SNX17: variants seen among roughly 807,000 people sequenced by gnomAD.
SNX17 encodes sorting nexin 17.
A neutral mutation model predicts 64.3 loss-of-function variants in SNX17; 35 were observed. The observed-to-expected ratio is 0.54, with a 90% CI of 0.42 to 0.72. The LOEUF is 0.72. SNX17 is among the 30% of genes least tolerant of loss of function. SNX17 has a pLI of 0.00. For missense variants in SNX17, 538 were observed against 610.0 expected (o/e 0.88, Z 1.24); for synonymous variants, 259 against 230.2 (o/e 1.13, Z -1.13).
At position 27,376,621 on chromosome 2, in the gene SNX17, G is replaced by A. The variant is rs557575155; in HGVS notation, c.1315G>A (p.Val439Met). 12 of 1,614,202 alleles carry A rather than the reference G, an allele frequency of 7.4e-6. No homozygotes were observed. Among genetic ancestry groups the A allele is most frequent in the South Asian group, 2.2e-5 (2 of 91,088 alleles). The change falls in exon 15 of 15, where the codon GTG becomes ATG. Residue 439 changes from valine to methionine, a missense_variant. This residue lies in a region of SNX17 where 505 missense variants were observed against 550.4 expected (regional missense o/e 0.92). Coordinates refer to ENST00000233575, the MANE Select transcript of SNX17 (RefSeq NM_014748.4). Reference sequence around the variant, plus strand: ...TTTGTTACAGAGTAAGCTGAGTGCCGTGAGCTTGCGGGGAATTGGCAGTCC... The same window carrying A: ...TTTGTTACAGAGTAAGCTGAGTGCCATGAGCTTGCGGGGAATTGGCAGTCC... ...MVKLSSKLSAVSLRGIGSPST... is the reference protein window; with the variant it reads ...MVKLSSKLSAMSLRGIGSPST...
In SNX17 at chr2:27,375,568, T is replaced by C. The variant is rs745784968; in HGVS notation, c.837T>C (p.Ala279=). 6.2e-7 allele frequency: 1 copy of C among 1,614,222 alleles called. No homozygotes were observed. The highest frequency in any genetic ancestry group is 8.5e-7 in the Non-Finnish European group (1 of 1,180,042). ...YGYLRFDACV[A]DFPEKDCPVV... ...ACTTGCGCTTTGATGCCTGTGTGGC[T>C]GACTTCCCAGAAAAGGACTGTCCTG... is the stretch of plus-strand genomic sequence containing the variant. Residue 279 remains alanine, a synonymous_variant, in exon 10 of 15, where the codon GCT becomes GCC. Coordinates refer to ENST00000233575, the MANE Select transcript of SNX17 (RefSeq NM_014748.4). The surrounding 1 kb of genome is among the most constrained non-coding windows in gnomAD (Gnocchi z 4.1).
intron 12 of SNX17, 40 bp downstream of exon 12, chr2:27,376,223 T>C: frequency 6.2e-7 from 1 of 1,612,960 alleles, no homozygotes; most frequent in Non-Finnish European, 8.5e-7. Flanking sequence ...GCAGGTGTGC[T>C]CCCCTTGCCT....
rs376326466 is a variant in SNX17, at chr2:27,375,163, G to C, written c.774+10G>C. 55 of 1,610,620 alleles carry C rather than the reference G, an allele frequency of 3.4e-5. No homozygotes were observed. The highest frequency in any genetic ancestry group is 4.5e-5 in the East Asian group (2 of 44,864). ...AGTCTCCAAGAAGGAGGTGAGCCCT[G>C]CCTCCTCTCTGTCTTCCTCTAAGGG... On this transcript the variant is annotated intron_variant, in intron 9 of 14. Coordinates refer to ENST00000233575, the MANE Select transcript of SNX17 (RefSeq NM_014748.4). This position sits in a 1 kb window ranked among gnomAD's most constrained non-coding sequence, Gnocchi z 4.1.
Position 27,376,634 on chromosome 2 carries a change from G to A in SNX17, c.1328G>A (p.Gly443Glu), listed in dbSNP as rs1683275566. The A allele has an allele frequency of 5.0e-6, 8 of 1,614,098 alleles. No individual in the cohort carries two copies. The Admixed American group carries it at 1.2e-4, about 24-fold the overall frequency. Residue 443 changes from glycine (G) to glutamate (E), a missense_variant, in exon 15 of 15, where the codon GGA becomes GAA. Gly to Glu is a moderately conservative substitution (Grantham distance 98, BLOSUM62 -2). Coordinates refer to ENST00000233575, the MANE Select transcript of SNX17 (RefSeq NM_014748.4). ...AAGCTGAGTGCCGTGAGCTTGCGGG[G>A]AATTGGCAGTCCCAGCACAGATGCC... ...SSKLSAVSLR[G>E]IGSPSTDASA... is the part of the protein sequence containing the mutation.
At chr2:27,371,627 C>G (rs1010882613) in intron 2 of SNX17, 3 of 328,094 alleles carry the variant, frequency 9.1e-6, no homozygotes, top group Non-Finnish European at 1.6e-5. Context: ...CAACCCCTCC[C>G]CCCACTACCT....
Position 27,377,475 on chromosome 2 carries a change from C to T in SNX17, c.*756C>T. 2.6e-6 allele frequency: 4 copies of T among 1,548,792 alleles called. No homozygotes were observed. Among genetic ancestry groups the T allele is most frequent in the Non-Finnish European group, 3.6e-6 (4 of 1,126,184 alleles). Reference sequence around the variant, plus strand: ...TGCCTACGTTAGTCTGTGTGGAGCCCCTGGCCAGCGGGGGAGAAAAAGGTG... The same window carrying T: ...TGCCTACGTTAGTCTGTGTGGAGCCTCTGGCCAGCGGGGGAGAAAAAGGTG... On this transcript the variant is annotated 3_prime_UTR_variant, in exon 15 of 15. Transcript: ENST00000233575. The surrounding 1 kb of genome is among the most constrained non-coding windows in gnomAD (Gnocchi z 4.4).
intron 3 of SNX17, 66 bp from the exon 4 acceptor site, chr2:27,373,181 A>C: frequency 6.2e-7 from 1 of 1,610,482 alleles, no homozygotes; most frequent in Non-Finnish European, 8.5e-7. Flanking sequence ...GAACCTACTG[A>C]GAGGAGGACT....
At chr2:27,374,958 C>T (rs923085081) in intron 8 of SNX17, 103 bp from the exon 9 acceptor site, 27 of 1,143,978 alleles carry the variant, frequency 2.4e-5, no homozygotes, top group Non-Finnish European at 3.5e-5. Context: ...AGAGGTCGCT[C>T]AAGTGTGGGG....
Position 27,376,688 on chromosome 2 carries a change from C to T in SNX17, c.1382C>T (p.Ala461Val), listed in dbSNP as rs765872828. The change falls in exon 15 of 15, where the codon GCC becomes GTC. Residue 461 changes from alanine (A) to valine (V), a missense_variant. Ala to Val is a moderately conservative substitution (Grantham distance 64). Coordinates refer to ENST00000233575, the MANE Select transcript of SNX17 (RefSeq NM_014748.4). The part of the protein sequence containing the change: ...ASASDVHGNF[A>V]FEGIGDEDL ...GCCAGTGATGTCCACGGCAATTTCG[C>T]CTTCGAGGGCATTGGAGATGAGGAT... 1 of 1,614,188 alleles carries T rather than the reference C, an allele frequency of 6.2e-7. No individual in the cohort carries two copies. Among genetic ancestry groups the T allele is most frequent in the South Asian group, 1.1e-5 (1 of 91,088 alleles).
At position 27,370,814 on chromosome 2, in the gene SNX17, G is replaced by A; in HGVS notation, c.63+8G>A. The A allele has an allele frequency of 1.3e-6, 2 of 1,540,814 alleles. No individual in the cohort carries two copies. The highest frequency in any genetic ancestry group is 1.7e-6 in the Non-Finnish European group (2 of 1,145,510). ...GGCGGCTCCGCCTACGTGGTGAGGA[G>A]CGGCCGGAGCCGAGCCGGGCCGGGC... On this transcript the variant is annotated splice_region_variant and intron_variant, in intron 1 of 14. Coordinates refer to ENST00000233575, the MANE Select transcript of SNX17 (RefSeq NM_014748.4).
chr2:27,376,178 A>G lies in SNX17; in HGVS notation c.1177A>G (p.Arg393Gly). 6.2e-7 allele frequency: 1 copy of G among 1,614,142 alleles called. No individual in the cohort carries two copies. The highest frequency in any genetic ancestry group is 8.5e-7 in the Non-Finnish European group (1 of 1,180,018). ...LMVKKSGGSI[R>G]KMLRRRVGGT... ...GGTGAAGAAATCTGGCGGCAGTATC[A>G]GGAAGGTAGGCAGCAAGTGTGGACT... Residue 393 changes from arginine (R) to glycine (G), a missense_variant, in exon 12 of 15, where the codon AGG becomes GGG. This residue lies in a region of SNX17 where 505 missense variants were observed against 550.4 expected (regional missense o/e 0.92). Transcript: ENST00000233575.
intron 2 of SNX17, among the ~76,000 whole-genome samples, chr2:27,372,361 G>T (rs1324664184): frequency 6.6e-6 from 1 of 152,154 alleles, no homozygotes; most frequent in East Asian, 1.9e-4. Flanking sequence ...GCTCCCTATA[G>T]GTCCTGGCCC....
intron 4 of SNX17, 161 bp downstream of exon 4, chr2:27,373,472 C>T (rs1682846281): frequency 3.0e-6 from 2 of 663,800 alleles, no homozygotes; most frequent in African/African-American, 1.8e-5. Flanking sequence ...AAGCGATTCT[C>T]CTGCCTCAGC....
rs1315081808 is a variant in SNX17 at position 27,370,728 on chromosome 2, C to T, written c.-16C>T. 6.5e-7 allele frequency: 1 copy of T among 1,545,400 alleles called. No individual in the cohort carries two copies. The highest frequency in any genetic ancestry group is 8.7e-7 in the Non-Finnish European group (1 of 1,143,878). On this transcript the variant is annotated 5_prime_UTR_variant, in exon 1 of 15. Coordinates refer to ENST00000233575, the MANE Select transcript of SNX17 (RefSeq NM_014748.4). ...CCTCACAGTCCGGAGCCCGGCCGTG[C>T]CGTGCCGTAGGGAACATGCACTTTT...
intron 4 of SNX17, chr2:27,373,552 G>T: frequency 7.4e-6 from 4 of 538,630 alleles, no homozygotes; most frequent in Admixed American, 3.2e-5. Flanking sequence ...TAGTGGAGAC[G>T]GGGTTTTGCC....
At position 27,375,168 on chromosome 2, in the gene SNX17, C is replaced by G. The variant is rs763372234; in HGVS notation, c.774+15C>G. 6.8e-6 allele frequency: 11 copies of G among 1,611,374 alleles called. No individual in the cohort carries two copies. The South Asian group carries it at 1.2e-4, about 18-fold the overall frequency. ...CCAAGAAGGAGGTGAGCCCTGCCTC[C>G]TCTCTGTCTTCCTCTAAGGGCTTGC... On this transcript the variant is annotated intron_variant, in intron 9 of 14. Transcript: ENST00000233575. This position sits in a 1 kb window ranked among gnomAD's most constrained non-coding sequence, Gnocchi z 4.1.
intron 12 of SNX17, 30 bp downstream of exon 12, chr2:27,376,213 G>GC: frequency 6.2e-7 from 1 of 1,613,656 alleles, no homozygotes; most frequent in Non-Finnish European, 8.5e-7. Flanking sequence ...TGAGCAGTGA[G>GC]CAGGTGTGCT....
At chr2:27,373,138 A>G in intron 3 of SNX17, 109 bp from the exon 4 acceptor site, 2 of 1,601,728 alleles carry the variant, frequency 1.2e-6, no homozygotes, top group Non-Finnish European at 1.7e-6. Flanking sequence ...GGGATGTGGC[A>G]GGCCACCATC....
intron 2 of SNX17, 118 bp downstream of exon 2, chr2:27,371,461 G>A (rs754164131): frequency 7.6e-6 from 11 of 1,442,966 alleles, no homozygotes; most frequent in Non-Finnish European, 9.1e-6. Flanking sequence ...TTTAATCACT[G>A]CCACAGGGTA....
Sources: allele counts gnomAD v4.1 joint callset (sites outside exome capture counted in the v4.1 genomes callset), GRCh38; gene constraint gnomAD v4.1.1; regional missense constraint gnomAD v4.1.1; non-coding constraint Gnocchi (gnomAD v3.1); transcripts MANE v1.5; gene names NCBI Gene and HGNC (gene_info 2026-07-23, HGNC 2026-07-21).